The following SDK1 variants were observed in gnomAD, a reference collection of about 807,000 sequenced individuals.
SDK1 encodes protein sidekick-1.
Under a neutral mutation model 245.5 loss-of-function variants are expected in SDK1, and 157 were observed. The ratio of observed to expected loss-of-function variants is 0.64; its 90% CI spans 0.56 to 0.73. The LOEUF is 0.73. SDK1 is among the 30% of genes least tolerant of loss of function. The probability of loss-of-function intolerance (pLI) is 0.00; values close to 1 mark genes in which losing one functional copy is unlikely to be tolerated. For missense variants in SDK1, 3,583 were observed against 3,002.3 expected, an observed-to-expected ratio of 1.19 and a Z score of -4.52; for synonymous variants, 1,647 against 1,278.5, an observed-to-expected ratio of 1.29 and a Z score of -6.15.
intron 4 of SDK1, among the ~76,000 whole-genome samples, chr7:3,678,250 C>T (rs1018117278): frequency 2.6e-5 from 4 of 152,220 alleles, no homozygotes; most frequent in Non-Finnish European, 5.9e-5. Context: ...ATACAATTAA[C>T]AGCAATTTCA....
chr7:4,087,281 C>A (rs1433957704), intron 22 of SDK1, among the ~76,000 whole-genome samples: 4 of 152,092 alleles, frequency 2.6e-5, no homozygotes, highest in African/African-American at 9.7e-5. Context: ...TTAAAATGAC[C>A]ATTTTTTTTC....
chr7:3,396,994 T>C (rs1368963574), intron 1 of SDK1, among the ~76,000 whole-genome samples: 1 of 151,794 alleles, frequency 6.6e-6, no homozygotes. Context: ...GCATCATTCT[T>C]GTTGTTTCTT....
intron 1 of SDK1, among the ~76,000 whole-genome samples, chr7:3,479,360 T>C (rs1781439639): frequency 6.9e-6 from 1 of 144,556 alleles, no homozygotes; most frequent in African/African-American, 2.6e-5. Context: ...AGGTAGAGGT[T>C]GCAGTGAGCC....
intron 4 of SDK1, among the ~76,000 whole-genome samples, chr7:3,811,618 T>C (rs1278528067): frequency 6.6e-6 from 1 of 152,154 alleles, no homozygotes; most frequent in Non-Finnish European, 1.5e-5. Context: ...AAAGCCCCTC[T>C]CTGCTGCTGC....
chr7:3,484,451 C>G (rs952219705), intron 1 of SDK1, among the ~76,000 whole-genome samples: 2 of 152,180 alleles, frequency 1.3e-5, no homozygotes, highest in Admixed American at 1.3e-4. Context: ...AACTAGTTCC[C>G]CATGTAGACC....
At chr7:3,578,132 GTTCT>G (rs1462107132) in intron 1 of SDK1, among the ~76,000 whole-genome samples, 1 of 151,890 alleles carries the variant, frequency 6.6e-6, no homozygotes, top group Admixed American at 6.6e-5. Context: ...TTCAACATAG[GTTCT>G]TTCTATTTTC....
chr7:3,784,976 G>C (rs1780854404), intron 4 of SDK1, among the ~76,000 whole-genome samples: 1 of 152,148 alleles, frequency 6.6e-6, no homozygotes, highest in Non-Finnish European at 1.5e-5. Context: ...CAGATAACTG[G>C]GTAAAGAAAA....
intron 4 of SDK1, among the ~76,000 whole-genome samples, chr7:3,778,966 A>G (rs940662847): frequency 1.3e-5 from 2 of 152,242 alleles, no homozygotes; most frequent in Non-Finnish European, 2.9e-5. Context: ...TTGACACTTA[A>G]TAGGATTTGA....
chr7:3,982,727 C>G (rs553398413), intron 13 of SDK1, among the ~76,000 whole-genome samples: 1 of 151,984 alleles, frequency 6.6e-6, no homozygotes, highest in African/African-American at 2.4e-5. Context: ...GTAGTCCCAG[C>G]TACTCGGGGG....
chr7:4,082,093 C>T lies in SDK1; in HGVS notation c.3324+2509C>T, dbSNP rs139458835. 3.7e-4 allele frequency among the ~76,000 whole-genome samples: 57 copies of T among 152,224 alleles called. 1 individual carries two copies. In the East Asian group the frequency reaches 0.011, roughly 28 times the overall value. On this transcript the variant is annotated intron_variant, in intron 22 of 44. Coordinates refer to ENST00000404826, the MANE Select transcript of SDK1 (RefSeq NM_152744.4). The stretch of plus-strand genomic sequence containing the variant: ...TGGAATAACAGGTTTTCCTGGGACC[C>T]TTGTGGTTACTTACCGTGGGGGTGA...
At chr7:4,249,299 C>G (rs1658928098) in intron 44 of SDK1, among the ~76,000 whole-genome samples, 1 of 152,222 alleles carries the variant, frequency 6.6e-6, no homozygotes. Context: ...CAGCATCTAA[C>G]TGGAAATCCC....
chr7:3,709,360 G>A lies in SDK1; in HGVS notation c.713+67255G>A, dbSNP rs181633889. On this transcript the variant is annotated intron_variant, in intron 4 of 44. Transcript: ENST00000404826. ...TCCATCCATGCTGGAGACTGGGCAT[G>A]CATGCAAGGCCCTTCCTTCTGCTGC... Among the ~76,000 whole-genome samples the A allele has an allele frequency of 6.1e-3, 928 of 152,312 alleles. 1 individual carries two copies. Among genetic ancestry groups the A allele is most frequent in the Non-Finnish European group, 0.01 (701 of 68,030 alleles).
intron 1 of SDK1, among the ~76,000 whole-genome samples, chr7:3,438,828 TTTC>T (rs55713046): frequency 0.95 from 142,373 of 149,818 alleles, 67,743 homozygotes; most frequent in East Asian, 1. Context: ...GCAACCCTGT[TTTC>T]TTCCCCTTTG....
chr7:3,515,420 T>C (rs941152822), intron 1 of SDK1, among the ~76,000 whole-genome samples: 1 of 152,180 alleles, frequency 6.6e-6, no homozygotes, highest in Non-Finnish European at 1.5e-5. Context: ...CACTTAGTAA[T>C]TACTTTAATG....
chr7:3,596,172 G>A (rs117826729), intron 1 of SDK1, among the ~76,000 whole-genome samples: 44 of 152,212 alleles, frequency 2.9e-4, no homozygotes, highest in Non-Finnish European at 5.4e-4. Context: ...ATTTTGGAGC[G>A]TTTCAGTCTG....
chr7:3,990,266 C>T (rs1176111000), intron 14 of SDK1, among the ~76,000 whole-genome samples: 1 of 152,222 alleles, frequency 6.6e-6, no homozygotes, highest in East Asian at 1.9e-4. Flanking sequence ...GGCCAGAGTC[C>T]AGGCCCTTCT....
At chr7:4,072,821 T>G (rs1199161501) in intron 20 of SDK1, among the ~76,000 whole-genome samples, 1 of 152,184 alleles carries the variant, frequency 6.6e-6, no homozygotes, top group Non-Finnish European at 1.5e-5. Flanking sequence ...TTATTAGCCC[T>G]GGTCTGTGGT....
At chr7:3,784,998 C>G (rs770416475) in intron 4 of SDK1, among the ~76,000 whole-genome samples, 1 of 152,220 alleles carries the variant, frequency 6.6e-6, no homozygotes, top group South Asian at 2.1e-4. Flanking sequence ...GTGGTACTTA[C>G]ACGTAATGGA....
At chr7:3,328,331 C>CTT (rs1464043320) in intron 1 of SDK1, among the ~76,000 whole-genome samples, 2 of 152,034 alleles carry the variant, frequency 1.3e-5, no homozygotes, top group African/African-American at 4.8e-5. Flanking sequence ...AAGGTCTACA[C>CTT]TTATGAGCTC....
Sources: allele counts gnomAD v4.1 joint callset (sites outside exome capture counted in the v4.1 genomes callset), GRCh38; gene constraint gnomAD v4.1.1; transcripts MANE v1.5; gene names NCBI Gene and HGNC (gene_info 2026-07-23, HGNC 2026-07-21).